Variants in ARMCX4 observed in about 807,000 individuals in gnomAD.
The protein encoded by ARMCX4 is armadillo repeat-containing X-linked protein 4.
A neutral mutation model predicts 34.7 loss-of-function variants in ARMCX4; 3 were observed. The observed-to-expected ratio is 0.09, with a 90% CI of 0.04 to 0.22. ARMCX4 has a LOEUF of 0.22. Among genes scored for constraint, ARMCX4 ranks in the 10% least tolerant of loss-of-function variants. The probability of loss-of-function intolerance (pLI) is 1.00; values close to 1 mark genes in which losing one functional copy is unlikely to be tolerated. For synonymous variants in ARMCX4, 513 were observed against 632.8 expected, an observed-to-expected ratio of 0.81 and a Z score of 2.84; for missense variants, 1,448 against 1,720.8, an observed-to-expected ratio of 0.84 and a Z score of 2.81.
At chrX:101,504,284 C>A (rs1167239775) in intron 7 of ARMCX4, among the ~76,000 whole-genome samples, 2 of 111,247 alleles carry the variant, frequency 1.8e-5, no homozygotes, top group East Asian at 5.6e-4. Context: ...TTTTTTGGTT[C>A]CATATGAACT....
intron 4 of ARMCX4, among the ~76,000 whole-genome samples, chrX:101,457,029 C>T (rs868972828): frequency 9.0e-6 from 1 of 111,462 alleles, no homozygotes; most frequent in African/African-American, 3.3e-5. Context: ...CTGCCTCAGC[C>T]TCCCAAGTAG....
At chrX:101,439,125 T>C (rs1931045898) in intron 2 of ARMCX4, among the ~76,000 whole-genome samples, 1 of 112,170 alleles carries the variant, frequency 8.9e-6, no homozygotes, top group Non-Finnish European at 1.9e-5. Flanking sequence ...TTCCTTTCCA[T>C]GTTTAGTGCT....
intron 2 of ARMCX4, among the ~76,000 whole-genome samples, chrX:101,429,774 T>C (rs1256285407): frequency 3.6e-5 from 4 of 112,008 alleles, no homozygotes; most frequent in Non-Finnish European, 7.5e-5. Context: ...CATCTAGCCC[T>C]GCTCCATTAG....
At chrX:101,506,963 T>A (rs1163840537) in intron 8 of ARMCX4, among the ~76,000 whole-genome samples, 2 of 111,634 alleles carry the variant, frequency 1.8e-5, no homozygotes, top group Non-Finnish European at 3.8e-5. Flanking sequence ...CTTCTGATAT[T>A]GCCTTTATAT....
chrX:101,487,949 C>T (rs1556007288), intron 4 of ARMCX4, 95 bp from the exon 5 acceptor site: 3 of 417,212 alleles, frequency 7.2e-6, no homozygotes. Context: ...ATATGTCTGT[C>T]CCATCAAGAA....
chrX:101,430,328 T>C (rs2281307), intron 2 of ARMCX4, among the ~76,000 whole-genome samples: 49,276 of 110,698 alleles, frequency 0.45, 8,858 homozygotes, highest in Non-Finnish European at 0.57. Context: ...GAAAGAACAC[T>C]GATATTTGTT....
chrX:101,531,745 A>G, exon 12 of ARMCX4: 1 of 112,134 alleles, frequency 8.9e-6, no homozygotes. Flanking sequence ...CAACCTGACA[A>G]CAGAGAAGAT....
chrX:101,508,186 G>A (rs1431348153), intron 8 of ARMCX4, among the ~76,000 whole-genome samples: 1 of 112,100 alleles, frequency 8.9e-6, no homozygotes, highest in Non-Finnish European at 1.9e-5. Context: ...CTGTATCACC[G>A]AACAATGCAT....
upstream of ARMCX4, among the ~76,000 whole-genome samples, chrX:101,484,310 G>A: frequency 8.9e-6 from 1 of 111,989 alleles, no homozygotes; most frequent in Non-Finnish European, 1.9e-5. Context: ...TACGACGGAT[G>A]AAAATTCCAC....
intron 11 of ARMCX4, among the ~76,000 whole-genome samples, chrX:101,519,715 G>A (rs1050751235): frequency 1.8e-5 from 2 of 111,481 alleles, no homozygotes; most frequent in Non-Finnish European, 3.8e-5. Context: ...TCATATGGTA[G>A]TTCTATTTTA....
At chrX:101,481,251 C>A (rs1391273707), upstream of ARMCX4, among the ~76,000 whole-genome samples, 2 of 112,559 alleles carry the variant, frequency 1.8e-5, no homozygotes, top group African/African-American at 6.5e-5. Context: ...GGTGCAAAAG[C>A]AATACACATT....
chrX:101,440,864 C>T (rs1221109507), intron 2 of ARMCX4, among the ~76,000 whole-genome samples: 9 of 111,204 alleles, frequency 8.1e-5, no homozygotes, highest in African/African-American at 2.6e-4. Flanking sequence ...TTTCCAGGTG[C>T]CGTCTGTCAC....
chrX:101,498,034 C>T (rs1193854467), downstream of ARMCX4: 2 of 263,167 alleles, frequency 7.6e-6, no homozygotes, highest in Non-Finnish European at 1.4e-5. Context: ...CACCCCCTAC[C>T]TGGGGGTATT....
Position 101,491,740 on chromosome X carries a change from A to G in ARMCX4, c.3151A>G (p.Thr1051Ala), listed in dbSNP as rs782733951. 1 of 1,155,526 alleles carries G rather than the reference A, an allele frequency of 8.7e-7. No individual in the cohort carries two copies. The highest frequency in any genetic ancestry group is 1.9e-5 in the South Asian group (1 of 52,722). The change falls in exon 6 of 6, where the codon ACT becomes GCT. Residue 1051 changes from threonine to alanine, a missense_variant. Coordinates refer to ENST00000423738, the MANE Select transcript of ARMCX4 (RefSeq NM_001256155.3). ...LPGARDKSMS[T>A]SEAEATAEDE... The stretch of plus-strand genomic sequence containing the variant: ...TGGGGCAAGGGACAAGTCTATGTCC[A>G]CTTCTGAGGCAGAAGCCACAGCAGA...
intron 11 of ARMCX4, among the ~76,000 whole-genome samples, chrX:101,515,318 T>G (rs1401203674): frequency 1.9e-5 from 2 of 106,886 alleles, no homozygotes; most frequent in African/African-American, 3.4e-5. Context: ...CTCCCTTCCT[T>G]CCTCCCTTTC....
chrX:101,504,971 T>G (rs181466411), exon 8 of ARMCX4: 1 of 111,677 alleles, frequency 9.0e-6, no homozygotes, highest in East Asian at 2.8e-4. Context: ...GGGAGAGGAT[T>G]AATCCTGATT....
intron 11 of ARMCX4, among the ~76,000 whole-genome samples, chrX:101,517,199 T>C (rs1339766112): frequency 1.8e-5 from 2 of 112,459 alleles, no homozygotes; most frequent in African/African-American, 6.5e-5. Flanking sequence ...ATTTAAACAA[T>C]GAGGCTTCTG....
intron 2 of ARMCX4, among the ~76,000 whole-genome samples, chrX:101,438,234 G>A (rs955227023): frequency 3.6e-5 from 4 of 111,197 alleles, no homozygotes; most frequent in African/African-American, 9.8e-5. Context: ...TTTCTGTCTC[G>A]TTGATCTGTC....
intron 11 of ARMCX4, among the ~76,000 whole-genome samples, chrX:101,530,179 T>C (rs1417660818): frequency 6.3e-5 from 7 of 111,973 alleles, no homozygotes; most frequent in African/African-American, 2.3e-4. Flanking sequence ...TTCATGTCCT[T>C]TGTAGAGACA....
Sources: gnomAD v4.1 joint callset for allele counts (sites outside exome capture counted in the v4.1 genomes callset) on GRCh38, gnomAD v4.1.1 for gene constraint, MANE v1.5 for transcripts, NCBI Gene and HGNC (gene_info 2026-07-23, HGNC 2026-07-21) for gene names.